FBXL2: variants seen among roughly 807,000 people sequenced by gnomAD.
FBXL2 encodes the protein F-box and leucine rich repeat protein 2.
FBXL2 carries 38 observed loss-of-function variants against 69.2 expected under a neutral mutation model. The observed-to-expected ratio is 0.55, with a 90% CI of 0.42 to 0.72. The LOEUF is 0.72. FBXL2 is among the 30% of genes least tolerant of loss of function. FBXL2 has a pLI of 0.00. For missense variants in FBXL2, 354 were observed against 520.3 expected, an observed-to-expected ratio of 0.68 and a Z score of 3.11; for synonymous variants, 192 against 201.3, an observed-to-expected ratio of 0.95 and a Z score of 0.39.
intron 2 of FBXL2, among the ~76,000 whole-genome samples, chr3:33,305,568 G>T (rs1295769820): frequency 2.0e-5 from 3 of 151,854 alleles, no homozygotes; most frequent in South Asian, 2.1e-4. Context: ...AAGCCTCAAA[G>T]AATTGAGTTG....
Position 33,373,249 on chromosome 3 carries a change from C to T in FBXL2, c.360-11C>T. On this transcript the variant is annotated splice_polypyrimidine_tract_variant and intron_variant, in intron 6 of 14. Transcript: ENST00000484457. ...GTTGAAAATATCTTTAGTGCGTCTGCTCTTTTTCAGCACGTGTTATAGCCT... is the reference window on the plus strand; with the variant it reads ...GTTGAAAATATCTTTAGTGCGTCTGTTCTTTTTCAGCACGTGTTATAGCCT... The T allele has an allele frequency of 3.1e-6, 5 of 1,613,890 alleles. 1 individual carries two copies. In the South Asian group the frequency reaches 5.5e-5, roughly 18 times the overall value.
At chr3:33,378,256 C>A in intron 12 of FBXL2, 109 bp downstream of exon 12, 1 of 1,143,442 alleles carries the variant, frequency 8.7e-7, no homozygotes, top group Non-Finnish European at 1.3e-6. Flanking sequence ...CCTCCTTGAT[C>A]AACCTCAGTG....
Position 33,372,892 on chromosome 3 carries a change from G to A in FBXL2, c.291-200G>A. On this transcript the variant is annotated intron_variant, in intron 5 of 14. Coordinates refer to ENST00000484457, the MANE Select transcript of FBXL2 (RefSeq NM_012157.5). ...AGACTAGCAGCACTGGCATCACCTG[G>A]GAGTTTCTTTGAACTGCAGACTGTC... 8.1e-6 allele frequency: 5 copies of A among 616,570 alleles called. No homozygotes were observed. In the South Asian group the frequency reaches 9.9e-5, roughly 12 times the overall value. 38.2% of individuals were successfully genotyped at this position (616,570 alleles called of 1,614,324 possible).
At chr3:33,418,860 C>CAAAAAAAAAAAAAAAAAAAAAAAAAAAAA in the FBXL2 span, among the ~76,000 whole-genome samples, 1 of 76,768 alleles carries the variant, frequency 1.3e-5, no homozygotes, top group Non-Finnish European at 2.5e-5. Flanking sequence ...ACTCTGTCTC[C>CAAAAAAAAAAAAAAAAAAAAAAAAAAAAA]AAAAAAAAAA....
At chr3:33,349,415 G>C (rs1159137849) in intron 2 of FBXL2, among the ~76,000 whole-genome samples, 2 of 152,132 alleles carry the variant, frequency 1.3e-5, no homozygotes, top group Non-Finnish European at 1.5e-5. Context: ...TGATTGATTT[G>C]CATATGTTGA....
chr3:33,396,333 A>G lies in FBXL2; in HGVS notation n.1215-6901A>G, dbSNP rs952347520. 6 of 1,301,352 alleles carry G rather than the reference A, an allele frequency of 4.6e-6. No individual in the cohort carries two copies. The Admixed American group carries it at 5.8e-5, about 13-fold the overall frequency. The allele number at this position is 1,301,352 out of a possible 1,614,324, so 80.6% of individuals were successfully genotyped here. A position where few individuals can be genotyped will look rare whatever the true frequency, so the allele number is the denominator to read the frequency against. ...CCTGGGAGAGAAAGCTGCCTTACACATGTACAAATATGACAACTACAGGAA... is the reference window on the plus strand; with the variant it reads ...CCTGGGAGAGAAAGCTGCCTTACACGTGTACAAATATGACAACTACAGGAA... On this transcript the variant is annotated intron_variant and non_coding_transcript_variant, in intron 12 of 12. Coordinates refer to the FBXL2 transcript ENST00000463736.
intron 2 of FBXL2, among the ~76,000 whole-genome samples, chr3:33,299,847 T>C (rs2036107073): frequency 6.6e-6 from 1 of 152,120 alleles, no homozygotes; most frequent in Admixed American, 6.6e-5. Flanking sequence ...AAGAAAGAAA[T>C]GTATGTTTGC....
exon 13 of FBXL2, chr3:33,403,543 T>TA (rs2044317666): frequency 6.2e-5 from 6 of 97,434 alleles, no homozygotes; most frequent in Non-Finnish European, 1.2e-4. Flanking sequence ...CTATCTAATC[T>TA]ATCTGTCTGT....
At chr3:33,277,794 G>T (rs951516034) in intron 1 of FBXL2, among the ~76,000 whole-genome samples, 1 of 152,138 alleles carries the variant, frequency 6.6e-6, no homozygotes, top group Admixed American at 6.5e-5. Flanking sequence ...TGGGCCGCCG[G>T]ACGACGTGAC....
At chr3:33,414,286 G>A in the FBXL2 span, 1 of 152,056 alleles carries the variant, frequency 6.6e-6, no homozygotes, top group Non-Finnish European at 1.5e-5. Flanking sequence ...GAAAGAGAGG[G>A]AGGAGGGCGG....
chr3:33,398,938 C>T (rs934833082), intron 12 of FBXL2, among the ~76,000 whole-genome samples: 2 of 152,084 alleles, frequency 1.3e-5, no homozygotes, highest in African/African-American at 4.8e-5. Flanking sequence ...AAATGTAGTC[C>T]CCAGCTAGCA....
rs190800724 is a variant in FBXL2 at position 33,381,977 on chromosome 3, G to A, written c.952-2012G>A. 3.1e-3 allele frequency among the ~76,000 whole-genome samples: 476 copies of A among 152,256 alleles called. 6 individuals carry two copies. The highest frequency in any genetic ancestry group is 1.4e-3 in the Non-Finnish European group (96 of 68,022). Reference sequence around the variant, plus strand: ...CCTCTCCTCTAGCTTCCCTTCCCTCGAGGTGGTACTCTGCTGCCTAGTTAC... The same window carrying A: ...CCTCTCCTCTAGCTTCCCTTCCCTCAAGGTGGTACTCTGCTGCCTAGTTAC... On this transcript the variant is annotated intron_variant, in intron 13 of 14. Transcript: ENST00000484457.
intron 1 of FBXL2, 61 bp downstream of exon 1, chr3:33,277,576 C>T: frequency 4.0e-6 from 5 of 1,249,914 alleles, no homozygotes; most frequent in Non-Finnish European, 5.1e-6. Flanking sequence ...GCTGGGTCCG[C>T]ACGCCGCCGC....
At chr3:33,369,844 C>T (rs1297326733) in intron 5 of FBXL2, among the ~76,000 whole-genome samples, 1 of 152,006 alleles carries the variant, frequency 6.6e-6, no homozygotes, top group Non-Finnish European at 1.5e-5. Flanking sequence ...AACTCCTGGC[C>T]TCAAGTGATC....
intron 2 of FBXL2, among the ~76,000 whole-genome samples, chr3:33,337,305 A>T (rs1238304806): frequency 6.6e-6 from 1 of 152,198 alleles, no homozygotes; most frequent in Non-Finnish European, 1.5e-5. Flanking sequence ...AAAAAGAACT[A>T]CAAATCTATC....
chr3:33,377,270 C>CA lies in FBXL2; in HGVS notation c.789-2dup, dbSNP rs751612519. On this transcript the variant is annotated splice_region_variant and splice_polypyrimidine_tract_variant and intron_variant, in intron 10 of 14. Transcript: ENST00000484457. Reference sequence around the variant, plus strand: ...TTCTCCCCTGTACCCACTTTCTCCTCAGAATTTTGGAGGCTGCCCGATGCT... The same window carrying CA: ...TTCTCCCCTGTACCCACTTTCTCCTCAAGAATTTTGGAGGCTGCCCGATGCT... 3.5e-5 allele frequency: 56 copies of CA among 1,614,108 alleles called. No individual in the cohort carries two copies.
intron 2 of FBXL2, among the ~76,000 whole-genome samples, chr3:33,357,969 T>A (rs897784040): frequency 7.2e-5 from 11 of 152,188 alleles, no homozygotes; most frequent in Admixed American, 4.6e-4. Flanking sequence ...GTGGGTGCAT[T>A]ATTGTAGGGT....
At chr3:33,325,370 G>A (rs533228219) in intron 2 of FBXL2, among the ~76,000 whole-genome samples, 3 of 152,108 alleles carry the variant, frequency 2.0e-5, no homozygotes, top group Non-Finnish European at 2.9e-5. Context: ...GTCTTGTGCT[G>A]GTTTTCAAAG....
At chr3:33,400,646 A>C (rs1220439629) in intron 12 of FBXL2, among the ~76,000 whole-genome samples, 1 of 152,146 alleles carries the variant, frequency 6.6e-6, no homozygotes, top group Non-Finnish European at 1.5e-5. Flanking sequence ...GAGAGTGGAA[A>C]AATAGGTAAC....
Sources: allele counts gnomAD v4.1 joint callset (sites outside exome capture counted in the v4.1 genomes callset), GRCh38; gene constraint gnomAD v4.1.1; transcripts MANE v1.5; gene names NCBI Gene and HGNC (gene_info 2026-07-23, HGNC 2026-07-21).